NAV3: variants seen among roughly 807,000 people sequenced by gnomAD.
The protein encoded by NAV3 is neuron navigator 3.
NAV3 carries 87 observed loss-of-function variants against 244.7 expected under a neutral mutation model. The ratio of observed to expected loss-of-function variants is 0.36; its 90% CI spans 0.30 to 0.42. The LOEUF (loss-of-function observed/expected upper bound fraction) is 0.42. Ranked by LOEUF, NAV3 falls within the 20% of genes least tolerant of loss-of-function variation. The pLI is 1.00. For missense variants in NAV3, 2,663 were observed against 2,893.3 expected, an observed-to-expected ratio of 0.92 and a Z score of 1.83; for synonymous variants, 1,126 against 1,042.2, an observed-to-expected ratio of 1.08 and a Z score of -1.55.
At chr12:77,607,177 A>T (rs1870706072) in intron 2 of NAV3, among the ~76,000 whole-genome samples, 1 of 152,086 alleles carries the variant, frequency 6.6e-6, no homozygotes, top group Non-Finnish European at 1.5e-5. Flanking sequence ...TTATGTAAGA[A>T]TTTTCAAATC....
At chr12:78,147,662 A>G (rs941976834) in intron 21 of NAV3, among the ~76,000 whole-genome samples, 6 of 151,602 alleles carry the variant, frequency 4.0e-5, no homozygotes, top group South Asian at 4.2e-4. Flanking sequence ...GTGAAATTAT[A>G]TAAGTGTCTA....
chr12:77,661,413 A>T (rs1476158595), intron 2 of NAV3, among the ~76,000 whole-genome samples: 4 of 152,112 alleles, frequency 2.6e-5, no homozygotes, highest in Non-Finnish European at 4.4e-5. Flanking sequence ...GCCATTTTGA[A>T]TTGAGTTGAA....
intron 1 of NAV3, among the ~76,000 whole-genome samples, chr12:77,905,271 A>T (rs1885846012): frequency 6.6e-6 from 1 of 152,120 alleles, no homozygotes; most frequent in South Asian, 2.1e-4. Context: ...ATTTATTACT[A>T]GCAGTATTTA....
At chr12:77,830,167 A>G (rs1873456743), upstream of NAV3, among the ~76,000 whole-genome samples, 1 of 152,220 alleles carries the variant, frequency 6.6e-6, no homozygotes, top group Non-Finnish European at 1.5e-5. Flanking sequence ...AAATAATTCT[A>G]TGGATGGAAG....
chr12:78,167,056 A>C (rs1217925548), intron 23 of NAV3, among the ~76,000 whole-genome samples: 1 of 151,766 alleles, frequency 6.6e-6, no homozygotes, highest in Non-Finnish European at 1.5e-5. Flanking sequence ...ATAAATTTCC[A>C]GTAGGAGCAG....
chr12:77,643,402 T>C (rs1319426026), intron 2 of NAV3, among the ~76,000 whole-genome samples: 1 of 151,786 alleles, frequency 6.6e-6, no homozygotes, highest in Non-Finnish European at 1.5e-5. Flanking sequence ...CTAACAGATC[T>C]AAATATCTTT....
intron 2 of NAV3, among the ~76,000 whole-genome samples, chr12:77,725,904 C>G (rs1381510790): frequency 6.6e-6 from 1 of 151,934 alleles, no homozygotes; most frequent in Non-Finnish European, 1.5e-5. Flanking sequence ...TGTTTCCCTT[C>G]TATCTTCAAA....
intron 2 of NAV3, among the ~76,000 whole-genome samples, chr12:77,695,585 C>T (rs1273924248): frequency 3.3e-5 from 5 of 151,988 alleles, no homozygotes; most frequent in African/African-American, 4.8e-5. Context: ...AAAACTTGGC[C>T]GGATGACTAT....
intron 5 of NAV3, among the ~76,000 whole-genome samples, chr12:77,981,100 G>T (rs575154705): frequency 6.6e-6 from 1 of 152,258 alleles, no homozygotes; most frequent in African/African-American, 2.4e-5. Context: ...TTACTAAAAA[G>T]AAACACATGT....
intron 9 of NAV3, among the ~76,000 whole-genome samples, chr12:78,026,559 T>C (rs1042792307): frequency 3.3e-5 from 5 of 152,206 alleles, no homozygotes; most frequent in African/African-American, 9.6e-5. Flanking sequence ...AAATGGTGTA[T>C]ATGAATCAAC....
chr12:77,820,949 T>A (rs994385170), intron 2 of NAV3, among the ~76,000 whole-genome samples: 1 of 152,136 alleles, frequency 6.6e-6, no homozygotes, highest in Non-Finnish European at 1.5e-5. Context: ...TATCATACTT[T>A]CTAATTTCCT....
At chr12:77,978,946 A>T (rs985040286) in intron 5 of NAV3, among the ~76,000 whole-genome samples, 24 of 152,014 alleles carry the variant, frequency 1.6e-4, no homozygotes, top group African/African-American at 5.6e-4. Context: ...TGTTGAGGTT[A>T]GTTTTCACTA....
In NAV3 at chr12:77,831,504, G is replaced by T; in HGVS notation, c.43G>T (p.Val15Phe). 6.2e-7 allele frequency: 1 copy of T among 1,612,416 alleles called. No individual in the cohort carries two copies. The highest frequency in any genetic ancestry group is 8.5e-7 in the Non-Finnish European group (1 of 1,179,552). The stretch of plus-strand genomic sequence containing the variant: ...TGCCTCAAAACTGAGGCAGCCAGCT[G>T]TTGGGTCAAAGCCTGTGCATACTGC... ...GVASKLRQPA[V>F]GSKPVHTALP... The change falls in exon 1 of 40, where the codon GTT becomes TTT. Residue 15 changes from valine to phenylalanine, a missense_variant. Coordinates refer to ENST00000397909, the MANE Select transcript of NAV3 (RefSeq NM_001024383.2).
At chr12:78,090,239 A>G (rs1593535203) in intron 12 of NAV3, among the ~76,000 whole-genome samples, 1 of 132,692 alleles carries the variant, frequency 7.5e-6, no homozygotes, top group East Asian at 2.1e-4. Context: ...TGAATTATAT[A>G]TATATATCAA....
At chr12:77,712,241 A>G (rs12810728) in intron 2 of NAV3, among the ~76,000 whole-genome samples, 1 of 152,332 alleles carries the variant, frequency 6.6e-6, no homozygotes, top group African/African-American at 2.4e-5. Flanking sequence ...GCAGAGAGAG[A>G]CAGCAAAAAC....
At chr12:78,162,193 C>T (rs1957571978) in intron 23 of NAV3, among the ~76,000 whole-genome samples, 1 of 152,122 alleles carries the variant, frequency 6.6e-6, no homozygotes, top group Non-Finnish European at 1.5e-5. Flanking sequence ...AAAGGCATTT[C>T]TTCAGGGAGC....
At chr12:77,686,265 G>A (rs995201724) in intron 2 of NAV3, among the ~76,000 whole-genome samples, 4 of 151,934 alleles carry the variant, frequency 2.6e-5, no homozygotes, top group African/African-American at 4.8e-5. Flanking sequence ...GCTAGTTTTC[G>A]TATTTTTGGT....
At chr12:78,180,379 A>G (rs1024266935) in intron 29 of NAV3, among the ~76,000 whole-genome samples, 1 of 152,092 alleles carries the variant, frequency 6.6e-6, no homozygotes, top group African/African-American at 2.4e-5. Context: ...CCCGATTGGA[A>G]GGAAAAAAAG....
chr12:77,826,887 T>C (rs1242279756), upstream of NAV3, among the ~76,000 whole-genome samples: 1 of 152,174 alleles, frequency 6.6e-6, no homozygotes, highest in Non-Finnish European at 1.5e-5. Context: ...TTGTTGAATT[T>C]TTACTTATAT....
Sources: gnomAD v4.1 joint callset for allele counts (sites outside exome capture counted in the v4.1 genomes callset) on GRCh38, gnomAD v4.1.1 for gene constraint, MANE v1.5 for transcripts, NCBI Gene and HGNC (gene_info 2026-07-23, HGNC 2026-07-21) for gene names.